CACNA1G: variants seen among roughly 807,000 people sequenced by gnomAD.
CACNA1G encodes calcium voltage-gated channel subunit alpha1 G, also known as voltage-dependent T-type calcium channel subunit alpha-1G.
A neutral mutation model predicts 219.4 loss-of-function variants in CACNA1G; 67 were observed. That is an observed-to-expected ratio of 0.31 (90% CI 0.25 to 0.37). The LOEUF (loss-of-function observed/expected upper bound fraction) is 0.37, where lower values mean the gene tolerates loss of function less well. CACNA1G is among the 10% of genes least tolerant of loss of function. CACNA1G has a pLI of 1.00. For synonymous variants in CACNA1G, 1,296 were observed against 1,345.3 expected, an observed-to-expected ratio of 0.96 and a Z score of 0.80; for missense variants, 2,380 against 3,231.4, an observed-to-expected ratio of 0.74 and a Z score of 6.39.
chr17:50,599,346 G>A, intron 16 of CACNA1G, 82 bp from the exon 17 acceptor site: 1 of 1,246,334 alleles, frequency 8.0e-7, no homozygotes, highest in Admixed American at 2.7e-5. Flanking sequence ...ATGCCAGTGA[G>A]GCTCCCAGGA....
intron 26 of CACNA1G, among the ~76,000 whole-genome samples, chr17:50,610,527 T>C (rs1380823485): frequency 1.3e-5 from 2 of 152,196 alleles, no homozygotes; most frequent in Non-Finnish European, 2.9e-5. Flanking sequence ...TCAAGAGCCA[T>C]GTCTCTGGGA....
chr17:50,619,419 T>C lies in CACNA1G; in HGVS notation c.5782-264T>C, dbSNP rs189187392. Among the ~76,000 whole-genome samples, 18 of 152,212 alleles carry C rather than the reference T, an allele frequency of 1.2e-4. No homozygotes were observed. In the East Asian group the frequency reaches 3.1e-3, roughly 26 times the overall value. ...TATCTTCTCTTTACCGCTCTCTCTC[T>C]CTCCCCCCGCCGTGGGCTCTGCTCA... On this transcript the variant is annotated intron_variant, in intron 33 of 37. Transcript: ENST00000359106.
intron 7 of CACNA1G, among the ~76,000 whole-genome samples, chr17:50,574,965 C>T (rs1464015695): frequency 6.6e-6 from 1 of 152,056 alleles, no homozygotes; most frequent in Non-Finnish European, 1.5e-5. Flanking sequence ...CAGACAAGGC[C>T]AATGGTCCCT....
At chr17:50,567,850 T>C (rs2038336876) in intron 1 of CACNA1G, among the ~76,000 whole-genome samples, 1 of 152,120 alleles carries the variant, frequency 6.6e-6, no homozygotes, top group South Asian at 2.1e-4. Flanking sequence ...CCCCATAGAA[T>C]CCACTGTATG....
chr17:50,565,743 G>T (rs78357287), intron 1 of CACNA1G, among the ~76,000 whole-genome samples: 10,841 of 152,176 alleles, frequency 0.071, 445 homozygotes, highest in Non-Finnish European at 0.098. Flanking sequence ...CGGCTGCCAG[G>T]CTAAGCAAGG....
chr17:50,603,246 C>G lies in CACNA1G; in HGVS notation c.4169+47C>G. On this transcript the variant is annotated intron_variant, in intron 21 of 37. Transcript: ENST00000359106. The surrounding 1 kb of genome is among the most constrained non-coding windows in gnomAD (Gnocchi z 6.4). ...GAACACCTCCAAGAGGTGGCCCCCT[C>G]CGCAGGGACATCTCCCACCGCCAGC... 3 of 1,516,296 alleles carry G rather than the reference C, an allele frequency of 2.0e-6. No homozygotes were observed. Among genetic ancestry groups the G allele is most frequent in the Non-Finnish European group, 2.7e-6 (3 of 1,118,328 alleles). The allele number at this position is 1,516,296 out of a possible 1,614,324, so 93.9% of individuals were successfully genotyped here.
intron 9 of CACNA1G, among the ~76,000 whole-genome samples, chr17:50,580,162 G>T (rs545379161): frequency 6.6e-6 from 1 of 152,254 alleles, no homozygotes; most frequent in South Asian, 2.1e-4. Context: ...TGACACCACG[G>T]TGGGCATGTT....
chr17:50,565,001 C>A (rs1255541952), intron 1 of CACNA1G, among the ~76,000 whole-genome samples: 1 of 152,012 alleles, frequency 6.6e-6, no homozygotes, highest in Non-Finnish European at 1.5e-5. Flanking sequence ...GGAGCCATTC[C>A]TGGGATTACC....
In CACNA1G at chr17:50,621,211, G is replaced by A. The variant is rs2051877260; in HGVS notation, c.5926-449G>A. On this transcript the variant is annotated intron_variant, in intron 34 of 37. Transcript: ENST00000359106. The surrounding 1 kb of genome is among the most constrained non-coding windows in gnomAD (Gnocchi z 4.6). ...GGTGGCATTGTCGCCGGCGCCCCCC[G>A]TGCCGCTCTGTCTGTGCCGGGAGGA... 6.6e-6 allele frequency among the ~76,000 whole-genome samples: 1 copy of A among 152,122 alleles called. No homozygotes were observed. Among genetic ancestry groups the A allele is most frequent in the Non-Finnish European group, 1.5e-5 (1 of 68,010 alleles).
In CACNA1G at chr17:50,624,507, C is replaced by T. The variant is rs746207783; in HGVS notation, c.6377C>T (p.Ala2126Val). 23 of 1,596,658 alleles carry T rather than the reference C, an allele frequency of 1.4e-5. No homozygotes were observed. The Admixed American group carries it at 3.6e-4, about 25-fold the overall frequency. ...KLPPPGRSPL[A>V]QRPLRRQAAI... is the part of the protein sequence containing the mutation. ...CCCCCACCAGGACGCTCCCCTTTGG[C>T]TCAGAGGCCACTCAGGCGCCAGGTG... is the stretch of plus-strand genomic sequence containing the variant. The change falls in exon 37 of 38, where the codon GCT becomes GTT. Residue 2126 changes from alanine to valine, a missense_variant. Around this residue, in one of 17 missense-constraint regions of CACNA1G, gnomAD observed 672 missense variants for 670.5 expected, o/e 1.00. Coordinates refer to ENST00000359106, the MANE Select transcript of CACNA1G (RefSeq NM_018896.5).
rs1234538803 is a variant in CACNA1G at position 50,604,197 on chromosome 17, G to A, written c.4212G>A (p.Thr1404=). 2.5e-6 allele frequency: 4 copies of A among 1,613,734 alleles called. No individual in the cohort carries two copies. Among genetic ancestry groups the A allele is most frequent in the South Asian group, 1.1e-5 (1 of 91,064 alleles). Residue 1404 remains threonine, a synonymous_variant, in exon 22 of 38, where the codon ACG becomes ACA. Transcript: ENST00000359106. ...RAQGLKLVVE[T]LMSSLKPIGN... ...AGGGGCTGAAGCTGGTGGTGGAGAC[G>A]CTGATGTCCTCACTGAAACCCATCG... is the stretch of plus-strand genomic sequence containing the variant.
In CACNA1G at chr17:50,599,738, G is replaced by C. The variant is rs199761120; in HGVS notation, c.3569G>C (p.Arg1190Pro). ...GGGCTGCATCGCACTGCCAGTGGCC[G>C]AGGGTCTGCTTCTGAGCACCAGGAC... ...VPGLHRTASG[R>P]GSASEHQDCN... Residue 1190 changes from arginine to proline, a missense_variant, in exon 17 of 38, where the codon CGA becomes CCA. Transcript: ENST00000359106. 1.5e-4 allele frequency: 237 copies of C among 1,613,518 alleles called. No individual in the cohort carries two copies. The highest frequency in any genetic ancestry group is 1.9e-4 in the Non-Finnish European group (222 of 1,179,830).
intron 4 of CACNA1G, among the ~76,000 whole-genome samples, chr17:50,570,876 T>C (rs2039284932): frequency 1.3e-5 from 2 of 152,140 alleles, no homozygotes; most frequent in South Asian, 4.1e-4. Flanking sequence ...GGGGCGAGGC[T>C]GGGCGCTGCA....
Position 50,604,194 on chromosome 17 carries a change from G to A in CACNA1G, c.4209G>A (p.Glu1403=), listed in dbSNP as rs751789981. Residue 1403 remains glutamate, a synonymous_variant, in exon 22 of 38, where the codon GAG becomes GAA. Transcript: ENST00000359106. ...SRAQGLKLVV[E]TLMSSLKPIG... ...CGCAGGGGCTGAAGCTGGTGGTGGA[G>A]ACGCTGATGTCCTCACTGAAACCCA... 1.2e-6 allele frequency: 2 copies of A among 1,613,770 alleles called. No homozygotes were observed. The highest frequency in any genetic ancestry group is 8.5e-7 in the Non-Finnish European group (1 of 1,179,724).
chr17:50,608,097 A>AGGGGGCTGGGCGCTGGGGCC, intron 25 of CACNA1G, 78 bp downstream of exon 25: 4 of 1,374,950 alleles, frequency 2.9e-6, no homozygotes, highest in Non-Finnish European at 4.0e-6. Flanking sequence ...TTGCGACTGC[A>AGGGGGCTGGGCGCTGGGGCC]GGGGGCTGGG....
chr17:50,575,257 A>G (rs1288115467), intron 7 of CACNA1G, among the ~76,000 whole-genome samples: 1 of 152,106 alleles, frequency 6.6e-6, no homozygotes, highest in African/African-American at 2.4e-5. Flanking sequence ...TTCAATAGCA[A>G]TATCTTGGAA....
intron 35 of CACNA1G, among the ~76,000 whole-genome samples, chr17:50,623,091 CTTTTTT>C (rs35688516): frequency 1.3e-5 from 1 of 79,418 alleles, no homozygotes; most frequent in African/African-American, 5.8e-5. Context: ...CTGCTGTTGG[CTTTTTT>C]TTTTTTTTTT....
intron 37 of CACNA1G, among the ~76,000 whole-genome samples, chr17:50,625,567 A>G (rs114326607): frequency 0.015 from 2,352 of 152,182 alleles, 55 homozygotes; most frequent in African/African-American, 0.054. Flanking sequence ...ACTTGGGGAC[A>G]GAGACTGTCA....
In CACNA1G at chr17:50,592,618, G is replaced by T. The variant is rs143725943; in HGVS notation, c.2910+526G>T. 7.0e-3 allele frequency among the ~76,000 whole-genome samples: 1,061 copies of T among 152,292 alleles called. 8 individuals carry two copies. The highest frequency in any genetic ancestry group is 0.01 in the Non-Finnish European group (707 of 68,012). On this transcript the variant is annotated intron_variant, in intron 13 of 37. Coordinates refer to ENST00000359106, the MANE Select transcript of CACNA1G (RefSeq NM_018896.5). ...GATGAGCGTCCTATTTCCAGCCCAG[G>T]CTCCATCACCTTCGTCACAGGCAGC...
Sources: allele counts gnomAD v4.1 joint callset (sites outside exome capture counted in the v4.1 genomes callset), GRCh38; gene constraint gnomAD v4.1.1; regional missense constraint gnomAD v4.1.1; non-coding constraint Gnocchi (gnomAD v3.1); transcripts MANE v1.5; gene names NCBI Gene and HGNC (gene_info 2026-07-23, HGNC 2026-07-21).